The following LAMA2 variants were observed in gnomAD, a reference collection of about 807,000 sequenced individuals.
LAMA2 encodes the protein laminin subunit alpha 2, also known as laminin subunit alpha-2.
Under a neutral mutation model 364.8 loss-of-function variants are expected in LAMA2, and 269 were observed. The ratio of observed to expected loss-of-function variants is 0.74; its 90% CI spans 0.67 to 0.82. LAMA2 has a LOEUF of 0.82. LAMA2 is among the 40% of genes least tolerant of loss of function. The probability of loss-of-function intolerance (pLI) is 0.00; values close to 1 mark genes in which losing one functional copy is unlikely to be tolerated. For synonymous variants in LAMA2, 1,379 were observed against 1,370.6 expected, an observed-to-expected ratio of 1.01 and a Z score of -0.14; for missense variants, 3,807 against 3,873.2, an observed-to-expected ratio of 0.98 and a Z score of 0.45.
At chr6:129,292,079 G>T (rs1789739548) in intron 20 of LAMA2, among the ~76,000 whole-genome samples, 1 of 152,182 alleles carries the variant, frequency 6.6e-6, no homozygotes, top group South Asian at 2.1e-4. Flanking sequence ...GGGCGCGGTG[G>T]CTCATGCCTG....
chr6:129,274,911 T>C (rs970627306), intron 17 of LAMA2, among the ~76,000 whole-genome samples: 1 of 152,008 alleles, frequency 6.6e-6, no homozygotes, highest in African/African-American at 2.4e-5. Context: ...TGTGTTTGAA[T>C]ATATAATATT....
intron 3 of LAMA2, among the ~76,000 whole-genome samples, chr6:129,088,370 A>G: frequency 6.6e-6 from 1 of 151,564 alleles, no homozygotes; most frequent in Non-Finnish European, 1.5e-5. Context: ...CCACAAAACC[A>G]CCATCATCAT....
intron 1 of LAMA2, among the ~76,000 whole-genome samples, chr6:128,960,419 G>C (rs529817952): frequency 6.8e-6 from 1 of 147,430 alleles, no homozygotes; most frequent in South Asian, 2.1e-4. Flanking sequence ...GCTCACTGCA[G>C]CCTCTGCCTC....
At chr6:129,208,613 A>G (rs1230892305) in intron 12 of LAMA2, among the ~76,000 whole-genome samples, 2 of 132,676 alleles carry the variant, frequency 1.5e-5, no homozygotes, top group Non-Finnish European at 3.1e-5. Context: ...GGGAGAAAGA[A>G]TGGAAGAAAG....
chr6:129,095,754 C>CAAAAA (rs57713069), intron 3 of LAMA2, among the ~76,000 whole-genome samples: 1 of 93,986 alleles, frequency 1.1e-5, no homozygotes, highest in Non-Finnish European at 2.4e-5. Context: ...CTACTAAATA[C>CAAAAA]AAAAAAAAAA....
At position 129,158,792 on chromosome 6, in the gene LAMA2, C is replaced by T; in HGVS notation, c.1206+4109C>T. 32 of 1,614,190 alleles carry T rather than the reference C, an allele frequency of 2.0e-5. No homozygotes were observed. The South Asian group carries it at 3.3e-4, about 17-fold the overall frequency. On this transcript the variant is annotated intron_variant, in intron 8 of 64. Coordinates refer to ENST00000421865, the MANE Select transcript of LAMA2 (RefSeq NM_000426.4). ...TAGCTGGGCTTTTGGAGAATCTTTG[C>T]ACTGAAAATCAGATCCTTCATATTT... is the stretch of plus-strand genomic sequence containing the variant.
At chr6:129,225,731 G>T (rs1282576374) in intron 12 of LAMA2, among the ~76,000 whole-genome samples, 2 of 152,104 alleles carry the variant, frequency 1.3e-5, no homozygotes, top group East Asian at 1.9e-4. Context: ...TTTTACATTT[G>T]CTGAGGAGTG....
At chr6:129,455,595 G>A (rs1782920953) in intron 47 of LAMA2, among the ~76,000 whole-genome samples, 1 of 152,136 alleles carries the variant, frequency 6.6e-6, no homozygotes, top group African/African-American at 2.4e-5. Flanking sequence ...ATGACTGCTT[G>A]TCTCAAAAGA....
chr6:128,900,528 A>G (rs1477814802), intron 1 of LAMA2, among the ~76,000 whole-genome samples: 2 of 152,246 alleles, frequency 1.3e-5, no homozygotes, highest in Non-Finnish European at 2.9e-5. Context: ...GGTTAACATC[A>G]TGATACTGTC....
chr6:129,208,255 A>G (rs1583253296), intron 12 of LAMA2, among the ~76,000 whole-genome samples: 1 of 152,308 alleles, frequency 6.6e-6, no homozygotes, highest in East Asian at 1.9e-4. Context: ...CTGTTTCTTA[A>G]TGTATAAAAT....
At chr6:128,995,891 T>C (rs998015206) in intron 1 of LAMA2, among the ~76,000 whole-genome samples, 2 of 152,190 alleles carry the variant, frequency 1.3e-5, no homozygotes, top group Admixed American at 6.5e-5. Flanking sequence ...CTTTTTTCTT[T>C]AGGACGTTTA....
At chr6:128,916,424 G>T (rs1582669484) in intron 1 of LAMA2, among the ~76,000 whole-genome samples, 1 of 152,120 alleles carries the variant, frequency 6.6e-6, no homozygotes, top group African/African-American at 2.4e-5. Context: ...GAAACAACTG[G>T]CGTTAAAATC....
intron 12 of LAMA2, among the ~76,000 whole-genome samples, chr6:129,245,783 TAAAC>T (rs1253635243): frequency 3.9e-5 from 6 of 152,128 alleles, no homozygotes; most frequent in African/African-American, 9.7e-5. Flanking sequence ...AAATATCAGC[TAAAC>T]AAACAAAGAA....
intron 47 of LAMA2, among the ~76,000 whole-genome samples, chr6:129,454,685 T>C (rs1395616071): frequency 6.6e-6 from 1 of 152,168 alleles, no homozygotes; most frequent in Non-Finnish European, 1.5e-5. Flanking sequence ...ATAGCCACCA[T>C]AGAAAAATGC....
intron 49 of LAMA2, among the ~76,000 whole-genome samples, chr6:129,463,914 G>C (rs186204687): frequency 2.6e-5 from 4 of 152,036 alleles, no homozygotes; most frequent in Admixed American, 1.3e-4. Flanking sequence ...CAAATATTCA[G>C]AGTAGGATCC....
At chr6:128,959,461 G>C (rs1040156261) in intron 1 of LAMA2, among the ~76,000 whole-genome samples, 10 of 152,084 alleles carry the variant, frequency 6.6e-5, no homozygotes, top group African/African-American at 2.4e-4. Flanking sequence ...TGAAGATATT[G>C]CTTCATGGCT....
At chr6:129,306,464 G>C (rs1315623010) in intron 22 of LAMA2, among the ~76,000 whole-genome samples, 1 of 150,652 alleles carries the variant, frequency 6.6e-6, no homozygotes. Context: ...TTTTTCATGG[G>C]ATTAGTTAGA....
intron 4 of LAMA2, among the ~76,000 whole-genome samples, chr6:129,141,718 C>T (rs1043211342): frequency 1.3e-5 from 2 of 152,036 alleles, no homozygotes; most frequent in Admixed American, 6.6e-5. Context: ...GATATATCAT[C>T]TTACAAAGTG....
chr6:129,512,795 TC>T (rs1228456418), intron 63 of LAMA2, among the ~76,000 whole-genome samples: 1 of 152,248 alleles, frequency 6.6e-6, no homozygotes, highest in Non-Finnish European at 1.5e-5. Flanking sequence ...ACACTCTTAT[TC>T]TCCTCTTAAG....
Sources: allele counts gnomAD v4.1 joint callset (sites outside exome capture counted in the v4.1 genomes callset), GRCh38; gene constraint gnomAD v4.1.1; transcripts MANE v1.5; gene names NCBI Gene and HGNC (gene_info 2026-07-23, HGNC 2026-07-21).